Variants in ADAM32 observed in about 807,000 individuals in gnomAD.
ADAM32 encodes the protein ADAM metallopeptidase domain 32, also known as disintegrin and metalloproteinase domain-containing protein 32.
ADAM32 carries 89 observed loss-of-function variants against 114.9 expected under a neutral mutation model. That is an observed-to-expected ratio of 0.77 (90% CI 0.65 to 0.92). ADAM32 has a LOEUF of 0.92. Among genes scored for constraint, ADAM32 ranks in the 40% least tolerant of loss-of-function variants. ADAM32 has a pLI of 0.00. For missense variants in ADAM32, 870 were observed against 932.8 expected, an observed-to-expected ratio of 0.93 and a Z score of 0.88; for synonymous variants, 285 against 307.5, an observed-to-expected ratio of 0.93 and a Z score of 0.77.
chr8:39,125,659 A>G (rs1011946866), intron 2 of ADAM32, among the ~76,000 whole-genome samples: 38 of 152,196 alleles, frequency 2.5e-4, no homozygotes, highest in African/African-American at 8.7e-4. Context: ...CTTTTGCCCC[A>G]CAGAAGCTTT....
At chr8:39,275,909 G>A (rs1259154819) in intron 22 of ADAM32, 43 bp downstream of exon 22, 4 of 1,483,072 alleles carry the variant, frequency 2.7e-6, no homozygotes, top group Non-Finnish European at 2.7e-6. Context: ...ATAAGTATAT[G>A]TTAAAAATTG....
At chr8:39,250,794 T>C (rs1811236408) in intron 17 of ADAM32, among the ~76,000 whole-genome samples, 1 of 151,942 alleles carries the variant, frequency 6.6e-6, no homozygotes, top group Non-Finnish European at 1.5e-5. Flanking sequence ...AACTGGATAT[T>C]TGTACCTATT....
At chr8:39,274,418 T>TTATTTCTAAATATTTTTGAACA in intron 21 of ADAM32, 68 bp downstream of exon 21, 6 of 1,520,512 alleles carry the variant, frequency 3.9e-6, no homozygotes, top group Non-Finnish European at 5.4e-6. Context: ...AATTCACAAT[T>TTATTTCTAAATATTTTTGAACA]TATTTCTAAA....
At chr8:39,166,030 T>A (rs1317690317) in intron 9 of ADAM32, 1 of 152,174 alleles carries the variant, frequency 6.6e-6, no homozygotes, top group Non-Finnish European at 1.5e-5. Context: ...TAAAAAATAA[T>A]TTCATTATCT....
rs1811361672 is a variant in ADAM32, at chr8:39,252,383, T to C, written c.1903-2031T>C. On this transcript the variant is annotated intron_variant, in intron 17 of 24. Coordinates refer to ENST00000379907, the MANE Select transcript of ADAM32 (RefSeq NM_145004.7). ...GCTAAACAACAAATCAAAACGGAAA[T>C]TAGAAAATATCTCAAGACAAACAAA... 2.0e-5 allele frequency among the ~76,000 whole-genome samples: 3 copies of C among 148,628 alleles called. No homozygotes were observed. The South Asian group carries it at 6.4e-4, about 32-fold the overall frequency.
chr8:39,123,100 G>A (rs1801885390), intron 2 of ADAM32, among the ~76,000 whole-genome samples: 1 of 152,130 alleles, frequency 6.6e-6, no homozygotes, highest in Non-Finnish European at 1.5e-5. Flanking sequence ...ACTGTTTGTA[G>A]AAAAGACTAT....
At chr8:39,258,574 T>G (rs1811812567) in intron 19 of ADAM32, among the ~76,000 whole-genome samples, 1 of 152,154 alleles carries the variant, frequency 6.6e-6, no homozygotes, top group Admixed American at 6.5e-5. Flanking sequence ...TTTTATTAGC[T>G]TATTTTGAGA....
rs576999711 is a variant in ADAM32, at chr8:39,121,506, G to A, written c.138+3341G>A. Among the ~76,000 whole-genome samples, 21 of 152,180 alleles carry A rather than the reference G, an allele frequency of 1.4e-4. No individual in the cohort carries two copies. The South Asian group carries it at 2.1e-3, about 15-fold the overall frequency. On this transcript the variant is annotated intron_variant, in intron 2 of 24. Coordinates refer to ENST00000379907, the MANE Select transcript of ADAM32 (RefSeq NM_145004.7). ...AGGAGAAATATCTAATGTAGATGACGGGTTGATGGGTGCAGCAAACCACCA... is the reference window on the plus strand; with the variant it reads ...AGGAGAAATATCTAATGTAGATGACAGGTTGATGGGTGCAGCAAACCACCA...
intron 16 of ADAM32, among the ~76,000 whole-genome samples, chr8:39,238,965 G>C (rs1810378246): frequency 6.6e-6 from 1 of 152,046 alleles, no homozygotes; most frequent in African/African-American, 2.4e-5. Context: ...TCCTGAGGAA[G>C]AATAGAAATC....
intron 1 of ADAM32, chr8:39,108,052 G>A: frequency 1.9e-6 from 1 of 533,214 alleles, no homozygotes; most frequent in Admixed American, 4.0e-5. Flanking sequence ...GAGAGACTGA[G>A]GCGAGCTGAT....
intron 18 of ADAM32, 104 bp downstream of exon 18, chr8:39,254,620 G>A (rs749665195): frequency 7.8e-6 from 6 of 773,554 alleles, no homozygotes; most frequent in Non-Finnish European, 1.2e-5. Flanking sequence ...ACTGATATTT[G>A]TAATAAAAAG....
At chr8:39,229,494 G>A (rs1419100618) in intron 14 of ADAM32, among the ~76,000 whole-genome samples, 2 of 152,108 alleles carry the variant, frequency 1.3e-5, no homozygotes, top group Admixed American at 6.5e-5. Flanking sequence ...TAAAGTAAAG[G>A]GGTGGAAAAA....
chr8:39,117,032 T>C (rs1033916533), intron 1 of ADAM32, among the ~76,000 whole-genome samples: 22 of 152,200 alleles, frequency 1.4e-4, no homozygotes, highest in Middle Eastern at 3.4e-3. Flanking sequence ...TACATGCACA[T>C]GCCACCATGC....
At chr8:39,211,727 CAATATGAACACTA>C (rs1808236232) in intron 12 of ADAM32, among the ~76,000 whole-genome samples, 1 of 152,044 alleles carries the variant, frequency 6.6e-6, no homozygotes, top group South Asian at 2.1e-4. Flanking sequence ...GTATCAATAT[CAATATGAACACTA>C]GATATTTTGA....
At chr8:39,116,615 A>G (rs766708750) in intron 1 of ADAM32, among the ~76,000 whole-genome samples, 27 of 152,146 alleles carry the variant, frequency 1.8e-4, no homozygotes, top group Admixed American at 6.6e-5. Flanking sequence ...GAAGTTGCTT[A>G]TCAGATCTAG....
At chr8:39,224,661 A>G (rs1483343579) in intron 14 of ADAM32, among the ~76,000 whole-genome samples, 1 of 152,074 alleles carries the variant, frequency 6.6e-6, no homozygotes, top group African/African-American at 2.4e-5. Flanking sequence ...TCCTTATTAT[A>G]TATATGATCT....
At chr8:39,239,880 C>T (rs546537722) in intron 16 of ADAM32, among the ~76,000 whole-genome samples, 3 of 152,044 alleles carry the variant, frequency 2.0e-5, no homozygotes, top group South Asian at 2.1e-4. Context: ...AAAAAAATCA[C>T]AATTGTAAAT....
chr8:39,136,233 A>AG (rs1220302272), intron 2 of ADAM32, among the ~76,000 whole-genome samples: 2 of 152,244 alleles, frequency 1.3e-5, no homozygotes, highest in Non-Finnish European at 2.9e-5. Context: ...TTTAAAATAT[A>AG]GGGAACAGAC....
chr8:39,153,506 G>T (rs1041911319), intron 6 of ADAM32, among the ~76,000 whole-genome samples: 6 of 152,198 alleles, frequency 3.9e-5, no homozygotes, highest in Non-Finnish European at 5.9e-5. Context: ...GCTTTGCCCA[G>T]ATGGCAAGGT....
Sources: gnomAD v4.1 joint callset for allele counts (sites outside exome capture counted in the v4.1 genomes callset) on GRCh38, gnomAD v4.1.1 for gene constraint, MANE v1.5 for transcripts, NCBI Gene and HGNC (gene_info 2026-07-23, HGNC 2026-07-21) for gene names.